Variants in SHISA9 observed in about 807,000 individuals in gnomAD.
SHISA9 encodes the protein shisa family member 9, also known as protein shisa-9.
Under a neutral mutation model 38.0 loss-of-function variants are expected in SHISA9, and 13 were observed. That is an observed-to-expected ratio of 0.34 (90% CI 0.22 to 0.54). SHISA9 has a LOEUF of 0.54. Ranked by LOEUF, SHISA9 falls within the 20% of genes least tolerant of loss-of-function variation. SHISA9 has a pLI of 0.91. For synonymous variants in SHISA9, 275 were observed against 242.0 expected (o/e 1.14, Z -1.27); for missense variants, 538 against 575.8 (o/e 0.93, Z 0.67).
rs529366621 is a variant in SHISA9, at chr16:13,234,285, C to G, written c.896-745C>G. Reference sequence around the variant, plus strand: ...TAGAACATTACTTGAGAAATAGAAACAAACTTATTTATAATGACGATGATA... The same window carrying G: ...TAGAACATTACTTGAGAAATAGAAAGAAACTTATTTATAATGACGATGATA... On this transcript the variant is annotated intron_variant, in intron 4 of 4. Coordinates refer to ENST00000558583, the MANE Select transcript of SHISA9 (RefSeq NM_001145204.3). Among the ~76,000 whole-genome samples, 5 of 152,218 alleles carry G rather than the reference C, an allele frequency of 3.3e-5. No individual in the cohort carries two copies. The South Asian group carries it at 1.0e-3, about 32-fold the overall frequency.
chr16:13,386,376 C>G, the SHISA9 span, among the ~76,000 whole-genome samples: 1 of 152,096 alleles, frequency 6.6e-6, no homozygotes, highest in Non-Finnish European at 1.5e-5. Flanking sequence ...TACTTTAATG[C>G]GAGTTCTATG....
At chr16:13,356,988 T>C in the SHISA9 span, among the ~76,000 whole-genome samples, 1 of 152,158 alleles carries the variant, frequency 6.6e-6, no homozygotes. Flanking sequence ...TTTTAAGTTT[T>C]TGAGAACACA....
At chr16:13,241,649 G>A (rs1429958110), downstream of SHISA9, among the ~76,000 whole-genome samples, 1 of 152,200 alleles carries the variant, frequency 6.6e-6, no homozygotes, top group African/African-American at 2.4e-5. Context: ...GAGATCTGGG[G>A]TCCCTGGGGA....
intron 2 of SHISA9, among the ~76,000 whole-genome samples, chr16:13,053,062 C>G (rs2073270902): frequency 1.4e-5 from 2 of 147,560 alleles, no homozygotes; most frequent in Admixed American, 1.4e-4. Context: ...CTGCCAGGTT[C>G]AAGCAATTCT....
the SHISA9 span, among the ~76,000 whole-genome samples, chr16:13,416,741 A>AG: frequency 3.0e-5 from 3 of 101,586 alleles, no homozygotes; most frequent in Admixed American, 1.1e-4. Flanking sequence ...AAAGAAAGAA[A>AG]GAAAGGAAGG....
chr16:13,426,757 T>C, the SHISA9 span, among the ~76,000 whole-genome samples: 1 of 152,234 alleles, frequency 6.6e-6, no homozygotes, highest in Non-Finnish European at 1.5e-5. Context: ...TGAATGGCTG[T>C]ACATAAATAA....
intron 3 of SHISA9, among the ~76,000 whole-genome samples, chr16:13,206,726 G>A (rs377439625): frequency 6.6e-6 from 1 of 152,208 alleles, no homozygotes; most frequent in Admixed American, 6.5e-5. Flanking sequence ...AAGACCCTAC[G>A]TACTGGTTAC....
At chr16:13,165,319 G>T (rs540725294) in intron 2 of SHISA9, among the ~76,000 whole-genome samples, 29 of 152,110 alleles carry the variant, frequency 1.9e-4, no homozygotes, top group African/African-American at 6.3e-4. Flanking sequence ...ATTTGTCATT[G>T]TGTTTTCCAG....
At chr16:13,073,606 A>G (rs137944199) in intron 2 of SHISA9, among the ~76,000 whole-genome samples, 8 of 152,310 alleles carry the variant, frequency 5.3e-5, no homozygotes, top group African/African-American at 1.9e-4. Context: ...TGGCAAAAAG[A>G]CATGTCCATC....
intron 2 of SHISA9, among the ~76,000 whole-genome samples, chr16:13,114,021 A>G (rs1486053091): frequency 6.6e-6 from 1 of 152,172 alleles, no homozygotes; most frequent in African/African-American, 2.4e-5. Context: ...GAATTTTGTT[A>G]CCTGTGATGG....
chr16:12,961,414 A>G (rs2071910754), intron 2 of SHISA9, among the ~76,000 whole-genome samples: 1 of 152,242 alleles, frequency 6.6e-6, no homozygotes, highest in African/African-American at 2.4e-5. Context: ...ACACAGTCAG[A>G]ATTCCATTTC....
chr16:13,219,035 A>G (rs1457322963), intron 4 of SHISA9, among the ~76,000 whole-genome samples: 2 of 152,232 alleles, frequency 1.3e-5, no homozygotes, highest in Admixed American at 1.3e-4. Flanking sequence ...TTTAATAAAA[A>G]TCAAATCCTA....
chr16:13,072,902 C>T (rs556286737), intron 2 of SHISA9, among the ~76,000 whole-genome samples: 1 of 152,284 alleles, frequency 6.6e-6, no homozygotes, highest in African/African-American at 2.4e-5. Context: ...CTCAAGTGAT[C>T]CACCCACCTC....
At chr16:13,557,917 C>T in the SHISA9 span, among the ~76,000 whole-genome samples, 7 of 152,056 alleles carry the variant, frequency 4.6e-5, no homozygotes, top group Admixed American at 6.6e-5. Context: ...TTCATTTTTG[C>T]CCTTTCCTCT....
At chr16:13,185,661 C>T (rs1236824341) in intron 2 of SHISA9, among the ~76,000 whole-genome samples, 1 of 152,052 alleles carries the variant, frequency 6.6e-6, no homozygotes, top group African/African-American at 2.4e-5. Context: ...TACCTGTTTC[C>T]CTCACTGGAC....
At chr16:13,197,126 C>CACACACAG (rs1555470440) in intron 2 of SHISA9, among the ~76,000 whole-genome samples, 4,174 of 150,208 alleles carry the variant, frequency 0.028, 208 homozygotes, top group African/African-American at 0.098. Context: ...CACACACACA[C>CACACACAG]ACACACACAC....
intron 2 of SHISA9, among the ~76,000 whole-genome samples, chr16:13,087,391 G>C (rs1286526648): frequency 6.6e-6 from 1 of 152,068 alleles, no homozygotes; most frequent in Admixed American, 6.6e-5. Context: ...GATCCTTGAG[G>C]AATCGCCACA....
At chr16:13,127,739 C>T (rs902929651) in intron 2 of SHISA9, among the ~76,000 whole-genome samples, 6 of 152,128 alleles carry the variant, frequency 3.9e-5, no homozygotes, top group Non-Finnish European at 5.9e-5. Context: ...GTCCCCTTGT[C>T]TGTGAAATGG....
chr16:13,412,982 G>GGAAT, the SHISA9 span, among the ~76,000 whole-genome samples: 782 of 151,646 alleles, frequency 5.2e-3, 14 homozygotes, highest in East Asian at 0.036. Context: ...AATAAATAAA[G>GGAAT]GAATGAATGA....
Sources: gnomAD v4.1 joint callset for allele counts (sites outside exome capture counted in the v4.1 genomes callset) on GRCh38, gnomAD v4.1.1 for gene constraint, MANE v1.5 for transcripts, NCBI Gene and HGNC (gene_info 2026-07-23, HGNC 2026-07-21) for gene names.